The following FBXL4 variants were observed in gnomAD, a reference collection of about 807,000 sequenced individuals.
The protein encoded by FBXL4 is F-box/LRR-repeat protein 4.
A neutral mutation model predicts 58.9 loss-of-function variants in FBXL4; 40 were observed. The observed-to-expected ratio is 0.68, with a 90% CI of 0.53 to 0.88. FBXL4 has a LOEUF of 0.88. FBXL4 is among the 40% of genes least tolerant of loss of function. FBXL4 has a pLI of 0.00. For missense variants in FBXL4, 676 were observed against 734.4 expected (o/e 0.92, Z 0.92); for synonymous variants, 263 against 265.5 (o/e 0.99, Z 0.09).
intron 1 of FBXL4, among the ~76,000 whole-genome samples, chr6:98,939,703 G>A (rs948916698): frequency 6.6e-6 from 1 of 152,118 alleles, no homozygotes; most frequent in Admixed American, 6.5e-5. Context: ...ATGACTTCTC[G>A]CTGCTACTTG....
intron 6 of FBXL4, among the ~76,000 whole-genome samples, chr6:98,901,265 G>A (rs1160317084): frequency 6.6e-6 from 1 of 152,078 alleles, no homozygotes; most frequent in Admixed American, 6.6e-5. Flanking sequence ...GAAGCGAGAG[G>A]GTGAGCAAAG....
chr6:98,933,982 C>A (rs755297652), intron 2 of FBXL4, among the ~76,000 whole-genome samples: 1 of 152,032 alleles, frequency 6.6e-6, no homozygotes, highest in Admixed American at 6.5e-5. Context: ...TCTTTGAAGC[C>A]ATCCAAGAAG....
chr6:98,899,341 G>A lies in FBXL4; in HGVS notation c.1244C>T (p.Pro415Leu), dbSNP rs770653005. 1.7e-5 allele frequency: 28 copies of A among 1,613,822 alleles called. No individual in the cohort carries two copies. Among genetic ancestry groups the A allele is most frequent in the Non-Finnish European group, 2.4e-5 (28 of 1,179,932 alleles). Residue 415 changes from proline (P) to leucine (L), a missense_variant, in exon 7 of 10, where the codon CCA becomes CTA. Physicochemically the swap from Pro to Leu is moderately conservative, Grantham distance 98 (BLOSUM62 -3). Coordinates refer to ENST00000369244, the MANE Select transcript of FBXL4 (RefSeq NM_001278716.2). ...ALNLSSCDKLPPQAFNHIAKL... is the reference protein window; with the variant it reads ...ALNLSSCDKLLPQAFNHIAKL... The stretch of plus-strand genomic sequence containing the variant: ...GGCAATGTGGTTGAAAGCTTGAGGT[G>A]GTAGCTTATCACAGGAGGAGAGATT...
Position 98,901,189 on chromosome 6 carries a change from G to C in FBXL4, c.1104-1708C>G, listed in dbSNP as rs533817177. Among the ~76,000 whole-genome samples, 3 of 152,250 alleles carry C rather than the reference G, an allele frequency of 2.0e-5. No individual in the cohort carries two copies. In the East Asian group the frequency reaches 5.8e-4, roughly 29 times the overall value. ...GAAATAAAAGCAGGGAAGGGCAATA[G>C]AAAGTGTCAAGGATGGACAGAGTAG... On this transcript the variant is annotated intron_variant, in intron 6 of 9. Coordinates refer to ENST00000369244, the MANE Select transcript of FBXL4 (RefSeq NM_001278716.2).
At chr6:98,885,612 C>T (rs776241399) in intron 7 of FBXL4, among the ~76,000 whole-genome samples, 9 of 152,080 alleles carry the variant, frequency 5.9e-5, no homozygotes, top group Non-Finnish European at 1.0e-4. Context: ...CAAACTGGGA[C>T]GCTGGTTTCT....
chr6:98,913,061 A>C (rs1772164916), intron 5 of FBXL4, among the ~76,000 whole-genome samples: 1 of 152,142 alleles, frequency 6.6e-6, no homozygotes, highest in Non-Finnish European at 1.5e-5. Flanking sequence ...AAACCAACAA[A>C]GATCAAAAGA....
intron 1 of FBXL4, among the ~76,000 whole-genome samples, chr6:98,939,192 C>A (rs1370145460): frequency 6.6e-6 from 1 of 151,666 alleles, no homozygotes; most frequent in Non-Finnish European, 1.5e-5. Flanking sequence ...GAGAAAGAAT[C>A]CCATTTAAGC....
At chr6:98,937,507 G>A (rs1231348335) in intron 1 of FBXL4, among the ~76,000 whole-genome samples, 2 of 152,154 alleles carry the variant, frequency 1.3e-5, no homozygotes, top group East Asian at 1.9e-4. Flanking sequence ...TACTCATTAA[G>A]TGAAAGTGAA....
chr6:98,945,751 G>A (rs1167799824), intron 1 of FBXL4, among the ~76,000 whole-genome samples: 1 of 152,080 alleles, frequency 6.6e-6, no homozygotes, highest in Non-Finnish European at 1.5e-5. Flanking sequence ...ACCAGGTACA[G>A]AACATCCTAA....
At chr6:98,939,399 C>T (rs1773346364) in intron 1 of FBXL4, among the ~76,000 whole-genome samples, 1 of 152,138 alleles carries the variant, frequency 6.6e-6, no homozygotes, top group Admixed American at 6.5e-5. Context: ...AGCTGTCATA[C>T]ATTAACTTCA....
chr6:98,938,129 C>T (rs1415989433), intron 1 of FBXL4, among the ~76,000 whole-genome samples: 14 of 147,248 alleles, frequency 9.5e-5, no homozygotes, highest in Admixed American at 9.0e-4. Flanking sequence ...GTCATGTACA[C>T]TATTGGTAGA....
At chr6:98,915,743 T>C (rs998199790) in intron 5 of FBXL4, among the ~76,000 whole-genome samples, 1 of 152,128 alleles carries the variant, frequency 6.6e-6, no homozygotes, top group Admixed American at 6.5e-5. Context: ...GCATTACCAT[T>C]CAGGACATAG....
At chr6:98,925,356 TACA>T (rs1562244491) in intron 4 of FBXL4, among the ~76,000 whole-genome samples, 2 of 152,056 alleles carry the variant, frequency 1.3e-5, no homozygotes, top group African/African-American at 4.8e-5. Context: ...ATATGAAAAT[TACA>T]ACTGTTAAAA....
chr6:98,909,153 T>C (rs548081067), intron 5 of FBXL4, among the ~76,000 whole-genome samples: 1 of 152,348 alleles, frequency 6.6e-6, no homozygotes, highest in South Asian at 2.1e-4. Flanking sequence ...ATCTGCAAAG[T>C]CTAAAGTATC....
intron 7 of FBXL4, among the ~76,000 whole-genome samples, chr6:98,894,257 C>T (rs1477330921): frequency 6.6e-6 from 1 of 152,068 alleles, no homozygotes; most frequent in African/African-American, 2.4e-5. Flanking sequence ...TTTATCGTAC[C>T]TAATAAGAAT....
rs12662049 is a variant in FBXL4, at chr6:98,876,290, G to A, written c.1390-563C>T. On this transcript the variant is annotated intron_variant, in intron 8 of 9. Transcript: ENST00000369244. ...ATATGTTAATCAACTGTCAGTTATT[G>A]GAGGTGTCCAGTGCTTACCTCATGA... Among the ~76,000 whole-genome samples, 46 of 152,218 alleles carry A rather than the reference G, an allele frequency of 3.0e-4. No homozygotes were observed. The East Asian group carries it at 8.5e-3, about 28-fold the overall frequency.
intron 5 of FBXL4, among the ~76,000 whole-genome samples, chr6:98,912,846 T>G (rs1476225090): frequency 1.3e-5 from 2 of 151,896 alleles, no homozygotes; most frequent in African/African-American, 4.8e-5. Flanking sequence ...TAAATATAAA[T>G]GGACTAAATG....
At chr6:98,875,344 A>G in intron 9 of FBXL4, 71 bp downstream of exon 9, 1 of 1,528,940 alleles carries the variant, frequency 6.5e-7, no homozygotes, top group Non-Finnish European at 9.0e-7. Flanking sequence ...TTTTCCTAAC[A>G]AAAAGTCTGA....
Position 98,917,453 on chromosome 6 carries a change from T to C in FBXL4, c.779A>G (p.Asp260Gly). 1 of 1,614,058 alleles carries C rather than the reference T, an allele frequency of 6.2e-7. No individual in the cohort carries two copies. The highest frequency in any genetic ancestry group is 8.5e-7 in the Non-Finnish European group (1 of 1,179,942). ...AYAEKDGCGM[D>G]SLNKKFSSAV... ...ACTGCTAAACTTTTTGTTAAGACTGTCCATTCCACAACCATCCTTTTCTGC... is the reference window on the plus strand; with the variant it reads ...ACTGCTAAACTTTTTGTTAAGACTGCCCATTCCACAACCATCCTTTTCTGC... The change falls in exon 5 of 10, where the codon GAC (aspartate) becomes GGC (glycine). Residue 260 changes from aspartate (D) to glycine (G), a missense_variant. By Grantham distance (94) the Asp-to-Gly change is moderately conservative. Coordinates refer to ENST00000369244, the MANE Select transcript of FBXL4 (RefSeq NM_001278716.2).
Sources: allele counts gnomAD v4.1 joint callset (sites outside exome capture counted in the v4.1 genomes callset), GRCh38; gene constraint gnomAD v4.1.1; transcripts MANE v1.5; gene names NCBI Gene and HGNC (gene_info 2026-07-23, HGNC 2026-07-21).